MYL1: variants seen among roughly 807,000 people sequenced by gnomAD.
MYL1 encodes myosin light chain 1/3, skeletal muscle isoform.
In MYL1, 16 loss-of-function variants were observed where a neutral mutation model predicts 21.8. The observed-to-expected ratio is 0.74, with a 90% confidence interval of 0.50 to 1.12. The LOEUF is 1.12. Ranked by LOEUF, MYL1 falls within the 50% of genes most tolerant of loss-of-function variation. The pLI, the probability that MYL1 is intolerant of heterozygous loss-of-function variation, is 0.00. For missense variants in MYL1, 246 were observed against 241.0 expected, an observed-to-expected ratio of 1.02 and a Z score of -0.14; for synonymous variants, 99 against 85.2, an observed-to-expected ratio of 1.16 and a Z score of -0.89.
rs115741651 is a variant in MYL1 at position 210,308,017 on chromosome 2, T to C, written c.133-5502A>G. ...TGGGGAGACATGTAATGTCGAATACTGGGGGAAAATGCCCTGGGAAGGAAC... is the reference window on the plus strand; with the variant it reads ...TGGGGAGACATGTAATGTCGAATACCGGGGGAAAATGCCCTGGGAAGGAAC... On this transcript the variant is annotated intron_variant, in intron 1 of 6. Coordinates refer to ENST00000352451, the MANE Select transcript of MYL1 (RefSeq NM_079420.3). Among the ~76,000 whole-genome samples, 822 of 152,180 alleles carry C rather than the reference T, an allele frequency of 5.4e-3. 12 individuals are homozygous for C. The highest frequency in any genetic ancestry group is 0.019 in the African/African-American group (780 of 41,530).
At chr2:210,314,125 A>G (rs975495469) in intron 1 of MYL1, among the ~76,000 whole-genome samples, 1 of 152,162 alleles carries the variant, frequency 6.6e-6, no homozygotes, top group African/African-American at 2.4e-5. Flanking sequence ...CTTTGATCAC[A>G]GCAAAGTGTT....
intron 2 of MYL1, among the ~76,000 whole-genome samples, chr2:210,301,218 G>T (rs1690261189): frequency 6.6e-6 from 1 of 151,978 alleles, no homozygotes; most frequent in African/African-American, 2.4e-5. Flanking sequence ...AACAAATTAT[G>T]GTAGAATCAC....
intron 1 of MYL1, among the ~76,000 whole-genome samples, chr2:210,314,105 C>A (rs1432131678): frequency 6.6e-6 from 1 of 152,102 alleles, no homozygotes. Context: ...AATCTTTTGG[C>A]AATTGAGAAC....
chr2:210,308,044 T>G (rs1326447510), intron 1 of MYL1, among the ~76,000 whole-genome samples: 1 of 151,948 alleles, frequency 6.6e-6, no homozygotes, highest in African/African-American at 2.4e-5. Context: ...GGAAGGAACA[T>G]GGACTACATT....
intron 3 of MYL1, among the ~76,000 whole-genome samples, chr2:210,297,184 T>C (rs1024624109): frequency 4.6e-5 from 7 of 151,920 alleles, no homozygotes; most frequent in Non-Finnish European, 1.0e-4. Context: ...TTTAGAAATA[T>C]ACCCAGTGAT....
intron 2 of MYL1, among the ~76,000 whole-genome samples, chr2:210,299,279 C>T (rs1302604423): frequency 1.3e-5 from 2 of 152,080 alleles, no homozygotes; most frequent in African/African-American, 2.4e-5. Context: ...TTTAGAATTT[C>T]GCTATGCCTT....
chr2:210,314,691 T>C (rs1008915235), intron 1 of MYL1, among the ~76,000 whole-genome samples: 2 of 152,200 alleles, frequency 1.3e-5, no homozygotes, highest in African/African-American at 4.8e-5. Flanking sequence ...GAATAAAAAA[T>C]AGAGCAAGCA....
intron 3 of MYL1, among the ~76,000 whole-genome samples, chr2:210,297,262 G>A (rs1240220998): frequency 6.6e-6 from 1 of 151,754 alleles, no homozygotes; most frequent in Non-Finnish European, 1.5e-5. Context: ...TTCCACAATG[G>A]TTGCACTTAC....
chr2:210,295,004 T>G (rs980320297), intron 3 of MYL1, among the ~76,000 whole-genome samples: 1 of 152,032 alleles, frequency 6.6e-6, no homozygotes, highest in Non-Finnish European at 1.5e-5. Context: ...AAGGAGAGAG[T>G]GTGTGTCAAA....
chr2:210,295,898 C>T (rs371174275), intron 3 of MYL1, among the ~76,000 whole-genome samples: 120 of 151,542 alleles, frequency 7.9e-4, no homozygotes, highest in African/African-American at 2.6e-3. Flanking sequence ...CACTTTATCT[C>T]ATGCTCTTGG....
chr2:210,297,402 C>T (rs1488957809), intron 3 of MYL1, among the ~76,000 whole-genome samples: 1 of 151,820 alleles, frequency 6.6e-6, no homozygotes, highest in African/African-American at 2.4e-5. Flanking sequence ...ATTTGCATTT[C>T]CCTGGTAATT....
At chr2:210,293,631 A>G in intron 5 of MYL1, 92 bp downstream of exon 5, 3 of 984,520 alleles carry the variant, frequency 3.0e-6, no homozygotes, top group Non-Finnish European at 4.8e-6. Flanking sequence ...GTATGTCAAT[A>G]AGGAAGGAAG....
chr2:210,314,905 A>C lies in MYL1; in HGVS notation c.132+6T>G, dbSNP rs773049388. 1.2e-6 allele frequency: 2 copies of C among 1,613,842 alleles called. No individual in the cohort carries two copies. The highest frequency in any genetic ancestry group is 2.2e-5 in the South Asian group (2 of 91,074). On this transcript the variant is annotated splice_donor_region_variant and intron_variant, in intron 1 of 6. Coordinates refer to ENST00000352451, the MANE Select transcript of MYL1 (RefSeq NM_079420.3). ...CAGTGACCAAACAGTTCATCCATTT[A>C]GTTACCTTAATGGCAGAGAGGTCAA...
chr2:210,290,987 A>G, intron 6 of MYL1, 45 bp downstream of exon 6: 2 of 1,348,876 alleles, frequency 1.5e-6, no homozygotes, highest in Non-Finnish European at 2.1e-6. Flanking sequence ...TAAAAAACAC[A>G]ATATCAAGAA....
intron 1 of MYL1, among the ~76,000 whole-genome samples, chr2:210,314,513 G>A (rs761095257): frequency 6.6e-6 from 1 of 152,190 alleles, no homozygotes; most frequent in Non-Finnish European, 1.5e-5. Context: ...ATAAGTAGGG[G>A]CTAAAACGTT....
chr2:210,310,617 T>C (rs1690404865), intron 1 of MYL1, among the ~76,000 whole-genome samples: 1 of 152,128 alleles, frequency 6.6e-6, no homozygotes, highest in Admixed American at 6.6e-5. Flanking sequence ...GGAATATTTC[T>C]AGATTCCTGA....
At chr2:210,297,478 A>G (rs1690192412) in intron 3 of MYL1, among the ~76,000 whole-genome samples, 2 of 147,926 alleles carry the variant, frequency 1.4e-5, no homozygotes, top group Admixed American at 1.3e-4. Context: ...AAGGATGTCT[A>G]TTCAGTTCAT....
intron 1 of MYL1, among the ~76,000 whole-genome samples, chr2:210,310,032 G>A (rs951779764): frequency 1.3e-5 from 2 of 151,960 alleles, no homozygotes; most frequent in Non-Finnish European, 2.9e-5. Flanking sequence ...ACAGACATTT[G>A]AAAGAGGAAA....
intron 3 of MYL1, among the ~76,000 whole-genome samples, chr2:210,296,540 C>T (rs544303552): frequency 3.3e-5 from 5 of 152,086 alleles, no homozygotes; most frequent in African/African-American, 1.2e-4. Flanking sequence ...AAACCCAGCA[C>T]TTTGGGAGGC....
Sources: gnomAD v4.1 joint callset for allele counts (sites outside exome capture counted in the v4.1 genomes callset) on GRCh38, gnomAD v4.1.1 for gene constraint, MANE v1.5 for transcripts, NCBI Gene and HGNC (gene_info 2026-07-23, HGNC 2026-07-21) for gene names.